SEC23A: variants seen among roughly 807,000 people sequenced by gnomAD.
The protein encoded by SEC23A is SEC23 homolog A, COPII component, also known as protein transport protein Sec23A.
In SEC23A, 56 loss-of-function variants were observed where a neutral mutation model predicts 103.7. The observed-to-expected ratio is 0.54, with a 90% CI of 0.44 to 0.67. The LOEUF (loss-of-function observed/expected upper bound fraction) is 0.67, where lower values mean the gene tolerates loss of function less well. Among genes scored for constraint, SEC23A ranks in the 30% least tolerant of loss-of-function variants. The pLI, the probability that SEC23A is intolerant of heterozygous loss-of-function variation, is 0.00. For synonymous variants in SEC23A, 281 were observed against 293.0 expected (o/e 0.96, Z 0.42); for missense variants, 784 against 936.4 (o/e 0.84, Z 2.12).
intron 13 of SEC23A, among the ~76,000 whole-genome samples, chr14:39,059,732 T>C (rs1364060812): frequency 6.6e-6 from 1 of 152,192 alleles, no homozygotes; most frequent in Non-Finnish European, 1.5e-5. Context: ...CTTCAGTGTA[T>C]ATCTCCTAAG....
Position 39,074,493 on chromosome 14 carries a change from C to A in SEC23A, c.1025G>T (p.Gly342Val). The A allele has an allele frequency of 6.2e-7, 1 of 1,613,166 alleles. No individual in the cohort carries two copies. The highest frequency in any genetic ancestry group is 8.5e-7 in the Non-Finnish European group (1 of 1,179,572). ...ACACGCATAGATATCAATAACATGGCCAGTTGTAGCAGCTCGATTAGCCAA... is the reference window on the plus strand; with the variant it reads ...ACACGCATAGATATCAATAACATGGACAGTTGTAGCAGCTCGATTAGCCAA... The part of the protein sequence containing the change: ...EALANRAATT[G>V]HVIDIYACAL... Residue 342 changes from glycine (G) to valine (V), a missense_variant, in exon 9 of 20, where the codon GGC (glycine) becomes GTC (valine). Physicochemically the swap from Gly to Val is moderately radical, Grantham distance 109. Around this residue, in one of 2 missense-constraint regions of SEC23A, gnomAD observed 683 missense variants for 774.2 expected, o/e 0.88. Coordinates refer to ENST00000307712, the MANE Select transcript of SEC23A (RefSeq NM_006364.4).
intron 19 of SEC23A, among the ~76,000 whole-genome samples, chr14:39,037,816 C>T (rs1885507754): frequency 6.6e-6 from 1 of 152,204 alleles, no homozygotes; most frequent in African/African-American, 2.4e-5. Context: ...GGAATAATTA[C>T]TTTCCTGCAA....
intron 15 of SEC23A, chr14:39,047,331 T>G (rs1454565238): frequency 8.5e-7 from 1 of 1,180,514 alleles, no homozygotes; most frequent in Non-Finnish European, 1.1e-6. Context: ...TATTAGTTTC[T>G]GCTACAAAAA....
rs780070171 is a variant in SEC23A at position 39,039,105 on chromosome 14, C to T, written c.2143-9G>A. 1.4e-5 allele frequency: 23 copies of T among 1,610,960 alleles called. No homozygotes were observed. In the South Asian group the frequency reaches 2.5e-4, roughly 18 times the overall value. The stretch of plus-strand genomic sequence containing the variant: ...GAAAGGAGGAAACGGGCCTTAAAAG[C>T]AAAGAAGAAATAACATTATCCATCA... On this transcript the variant is annotated splice_polypyrimidine_tract_variant and intron_variant, in intron 18 of 19. Coordinates refer to ENST00000307712, the MANE Select transcript of SEC23A (RefSeq NM_006364.4).
chr14:39,076,316 G>A lies in SEC23A; in HGVS notation c.829-223C>T, dbSNP rs8006852. On this transcript the variant is annotated intron_variant, in intron 7 of 19. Transcript: ENST00000307712. Reference sequence around the variant, plus strand: ...CATTCCTAATTCTAAACTAATCTATGAGCCTAATCCCTATAAACATGGATA... The same window carrying A: ...CATTCCTAATTCTAAACTAATCTATAAGCCTAATCCCTATAAACATGGATA... 1.6e-3 allele frequency among the ~76,000 whole-genome samples: 249 copies of A among 152,076 alleles called. 1 individual carries two copies. Among genetic ancestry groups the A allele is most frequent in the African/African-American group, 5.7e-3 (235 of 41,480 alleles).
In SEC23A at chr14:39,042,854, T is replaced by C; in HGVS notation, c.1918A>G (p.Ser640Gly). ...AGAATACGATCTGCAAGAATGCTACTGCTATCAAGAAGAACCGGCTAACGT... is the reference window on the plus strand; with the variant it reads ...AGAATACGATCTGCAAGAATGCTACCGCTATCAAGAAGAACCGGCTAACGT... The part of the protein sequence containing the change: ...GPPEPVLLDS[S>G]SILADRILLM... The change falls in exon 17 of 20, where the codon AGT becomes GGT. Residue 640 changes from serine to glycine, a missense_variant. Ser to Gly is a moderately conservative substitution (Grantham distance 56). Transcript: ENST00000307712. 3.1e-6 allele frequency: 5 copies of C among 1,611,824 alleles called. No individual in the cohort carries two copies. The highest frequency in any genetic ancestry group is 4.2e-6 in the Non-Finnish European group (5 of 1,178,072).
At chr14:39,071,930 A>T (rs1886853342) in intron 9 of SEC23A, among the ~76,000 whole-genome samples, 1 of 152,132 alleles carries the variant, frequency 6.6e-6, no homozygotes, top group African/African-American at 2.4e-5. Context: ...GCTGCAAACA[A>T]TACCATCAAG....
At chr14:39,100,997 C>T (rs1227607575) in intron 1 of SEC23A, among the ~76,000 whole-genome samples, 2 of 151,888 alleles carry the variant, frequency 1.3e-5, no homozygotes, top group African/African-American at 4.8e-5. Flanking sequence ...GCGTGAGCTA[C>T]TACACCCAGC....
In SEC23A at chr14:39,096,264, C is replaced by T; in HGVS notation, c.-21-125G>A. The T allele has an allele frequency of 7.4e-6, 5 of 679,398 alleles. No homozygotes were observed. The South Asian group carries it at 8.9e-5, about 12-fold the overall frequency. 42.1% of individuals were successfully genotyped at this position (679,398 alleles called of 1,614,324 possible). A position where few individuals can be genotyped will look rare whatever the true frequency, so the allele number is the denominator to read the frequency against. On this transcript the variant is annotated intron_variant, in intron 1 of 19. Coordinates refer to ENST00000307712, the MANE Select transcript of SEC23A (RefSeq NM_006364.4). ...AATCAGGACCAGCTGGGCCCCGTGG[C>T]TCACGCCGGTAATCCCAGCACTTTG...
rs140818188 is a variant in SEC23A at position 39,077,486 on chromosome 14, G to A, written c.829-1393C>T. Among the ~76,000 whole-genome samples, 947 of 151,958 alleles carry A rather than the reference G, an allele frequency of 6.2e-3. 9 individuals are homozygous for A. Among genetic ancestry groups the A allele is most frequent in the African/African-American group, 0.022 (899 of 41,428 alleles). ...GAACCCGGGAGGTGGAGGTTGCAGTGAGCCGAGATTGTGCCACTGCACTCC... is the reference window on the plus strand; with the variant it reads ...GAACCCGGGAGGTGGAGGTTGCAGTAAGCCGAGATTGTGCCACTGCACTCC... On this transcript the variant is annotated intron_variant, in intron 7 of 19. Coordinates refer to ENST00000307712, the MANE Select transcript of SEC23A (RefSeq NM_006364.4).
intron 7 of SEC23A, among the ~76,000 whole-genome samples, chr14:39,085,149 T>C (rs1333392222): frequency 6.6e-6 from 1 of 152,156 alleles, no homozygotes; most frequent in Admixed American, 6.5e-5. Context: ...TGAGCCTTCA[T>C]GAAAAGCCAA....
At chr14:39,046,866 C>T (rs1270445425) in intron 15 of SEC23A, among the ~76,000 whole-genome samples, 1 of 152,152 alleles carries the variant, frequency 6.6e-6, no homozygotes, top group East Asian at 1.9e-4. Context: ...TCTTAAATTC[C>T]TCCAACCCTC....
intron 4 of SEC23A, among the ~76,000 whole-genome samples, 172 bp downstream of exon 4, chr14:39,092,369 G>A (rs1261304496): frequency 5.9e-5 from 9 of 152,074 alleles, no homozygotes. Context: ...CATCAAATAA[G>A]TACAACATAG....
In SEC23A at chr14:39,094,393, CACACATAT is replaced by C. The variant is rs1257307208; in HGVS notation, c.222-1157_222-1150del. 2.6e-3 allele frequency among the ~76,000 whole-genome samples: 63 copies of C among 23,948 alleles called. 11 individuals carry two copies. Among genetic ancestry groups the C allele is most frequent in the Admixed American group, 6.5e-3 (11 of 1,686 alleles). The allele number at this position is 23,948 out of a possible 152,430, so 15.7% of individuals were successfully genotyped here. A position where few individuals can be genotyped will look rare whatever the true frequency, so the allele number is the denominator to read the frequency against. On this transcript the variant is annotated intron_variant, in intron 2 of 19. Transcript: ENST00000307712. ...ATATATACACACACACACACACACA[CACACATAT>C]ATATATATATATATATATATATATA...
chr14:39,094,201 T>TATATATATGCATATATACACATAC lies in SEC23A; in HGVS notation c.222-981_222-958dup, dbSNP rs1420671858. ...CACACCCAGCATATACATATACATA[T>TATATATATGCATATATACACATAC]ATATATATGCATATATACACATACA... is the stretch of plus-strand genomic sequence containing the variant. On this transcript the variant is annotated intron_variant, in intron 2 of 19. Transcript: ENST00000307712. Among the ~76,000 whole-genome samples, 16 of 141,918 alleles carry TATATATATGCATATATACACATAC rather than the reference T, an allele frequency of 1.1e-4. 1 individual carries two copies. The highest frequency in any genetic ancestry group is 3.3e-4 in the African/African-American group (13 of 39,382). The allele number at this position is 141,918 out of a possible 152,430, so 93.1% of individuals were successfully genotyped here.
intron 2 of SEC23A, among the ~76,000 whole-genome samples, chr14:39,095,636 C>A (rs537215385): frequency 6.6e-6 from 1 of 152,096 alleles, no homozygotes; most frequent in Non-Finnish European, 1.5e-5. Context: ...GGTTGATACA[C>A]ATCCAGCACC....
intron 9 of SEC23A, among the ~76,000 whole-genome samples, chr14:39,073,313 C>T (rs1328175229): frequency 1.3e-5 from 2 of 152,274 alleles, no homozygotes; most frequent in Non-Finnish European, 1.5e-5. Context: ...CTTTTTGAAA[C>T]AGAGTCTCAC....
At chr14:39,066,020 A>AC (rs1886654339) in intron 10 of SEC23A, among the ~76,000 whole-genome samples, 1 of 122,494 alleles carries the variant, frequency 8.2e-6, no homozygotes, top group Non-Finnish European at 1.8e-5. Context: ...AAAAAAAAAA[A>AC]AAAAAAAAAA....
At chr14:39,081,768 T>A (rs2139266610) in intron 7 of SEC23A, among the ~76,000 whole-genome samples, 1 of 152,310 alleles carries the variant, frequency 6.6e-6, no homozygotes, top group African/African-American at 2.4e-5. Flanking sequence ...AAATTTTTTT[T>A]ATTTTAATAG....
Sources: allele counts gnomAD v4.1 joint callset (sites outside exome capture counted in the v4.1 genomes callset), GRCh38; gene constraint gnomAD v4.1.1; regional missense constraint gnomAD v4.1.1; transcripts MANE v1.5; gene names NCBI Gene and HGNC (gene_info 2026-07-23, HGNC 2026-07-21).